Variants in CPNE8 observed in about 807,000 individuals in gnomAD.
CPNE8 encodes the protein copine 8, also known as copine-8.
In CPNE8, 45 loss-of-function variants were observed where a neutral mutation model predicts 81.5. That is an observed-to-expected ratio of 0.55 (90% CI 0.44 to 0.71). CPNE8 has a LOEUF of 0.71. CPNE8 is among the 30% of genes least tolerant of loss of function. The probability of loss-of-function intolerance (pLI) is 0.00; values close to 1 mark genes in which losing one functional copy is unlikely to be tolerated. For missense variants in CPNE8, 594 were observed against 672.1 expected (o/e 0.88, Z 1.28); for synonymous variants, 252 against 226.3 (o/e 1.11, Z -1.02).
intron 15 of CPNE8, among the ~76,000 whole-genome samples, chr12:38,691,975 A>G (rs1345201694): frequency 2.0e-5 from 3 of 152,092 alleles, no homozygotes; most frequent in African/African-American, 7.2e-5. Flanking sequence ...TATCTAACCT[A>G]TATGTGTTTT....
chr12:38,842,569 CTTTTTT>C (rs769891980), intron 4 of CPNE8, among the ~76,000 whole-genome samples: 1 of 110,832 alleles, frequency 9.0e-6, no homozygotes, highest in South Asian at 3.1e-4. Context: ...AACATTTTTC[CTTTTTT>C]TTTTTTTTTT....
intron 15 of CPNE8, among the ~76,000 whole-genome samples, chr12:38,687,613 C>A (rs560179691): frequency 7.2e-5 from 11 of 152,076 alleles, no homozygotes; most frequent in African/African-American, 2.4e-4. Context: ...AACTCCTGAC[C>A]TCAGGTGATC....
chr12:38,754,519 G>A (rs934905593), intron 10 of CPNE8, among the ~76,000 whole-genome samples: 1 of 151,794 alleles, frequency 6.6e-6, no homozygotes, highest in African/African-American at 2.4e-5. Flanking sequence ...AACACATAAT[G>A]AGTGCTCAAT....
chr12:38,879,853 A>C (rs890232606), intron 1 of CPNE8, among the ~76,000 whole-genome samples: 13 of 152,172 alleles, frequency 8.5e-5, no homozygotes, highest in African/African-American at 2.9e-4. Context: ...AATAAAAAAA[A>C]ACATACAAGA....
intron 19 of CPNE8, among the ~76,000 whole-genome samples, chr12:38,656,634 C>T (rs1938824440): frequency 6.6e-6 from 1 of 152,148 alleles, no homozygotes; most frequent in South Asian, 2.1e-4. Flanking sequence ...TTATTTTCTA[C>T]TCTTTGCCTC....
intron 10 of CPNE8, among the ~76,000 whole-genome samples, chr12:38,740,363 T>C (rs1448732703): frequency 6.6e-6 from 1 of 152,218 alleles, no homozygotes; most frequent in African/African-American, 2.4e-5. Context: ...TTTGACTTCC[T>C]CTTTTCCTAA....
At chr12:38,736,957 T>C (rs925028727) in intron 10 of CPNE8, among the ~76,000 whole-genome samples, 5 of 152,118 alleles carry the variant, frequency 3.3e-5, no homozygotes, top group Non-Finnish European at 5.9e-5. Flanking sequence ...TCACGGATTT[T>C]AAAATACTTA....
intron 3 of CPNE8, among the ~76,000 whole-genome samples, chr12:38,865,479 T>C (rs1592144690): frequency 6.6e-6 from 1 of 152,184 alleles, no homozygotes; most frequent in South Asian, 2.1e-4. Flanking sequence ...GCCGCAGGCA[T>C]GGATAGAGCT....
chr12:38,680,669 G>C (rs1367885152), intron 16 of CPNE8, among the ~76,000 whole-genome samples: 1 of 151,958 alleles, frequency 6.6e-6, no homozygotes, highest in East Asian at 1.9e-4. Flanking sequence ...TCACCTCTTA[G>C]AGTTGTTGTG....
intron 10 of CPNE8, among the ~76,000 whole-genome samples, chr12:38,737,482 G>C (rs1157936639): frequency 1.3e-5 from 2 of 152,022 alleles, no homozygotes; most frequent in Non-Finnish European, 2.9e-5. Flanking sequence ...TACTTTTATA[G>C]CCTACTCATT....
chr12:38,751,628 T>G (rs533526172), intron 10 of CPNE8, among the ~76,000 whole-genome samples: 1 of 152,314 alleles, frequency 6.6e-6, no homozygotes, highest in East Asian at 1.9e-4. Flanking sequence ...AACTAGTACT[T>G]TCAGATAACT....
At chr12:38,815,607 A>G (rs1199180109) in intron 6 of CPNE8, among the ~76,000 whole-genome samples, 1 of 152,200 alleles carries the variant, frequency 6.6e-6, no homozygotes, top group African/African-American at 2.4e-5. Flanking sequence ...CACACATGAA[A>G]CACACTATGC....
At chr12:38,876,799 A>AT (rs1208310735) in intron 1 of CPNE8, among the ~76,000 whole-genome samples, 1 of 152,198 alleles carries the variant, frequency 6.6e-6, no homozygotes, top group African/African-American at 2.4e-5. Context: ...ACTCAAGCAT[A>AT]TATGATCGCA....
intron 6 of CPNE8, among the ~76,000 whole-genome samples, chr12:38,803,798 A>T (rs868143749): frequency 0.09 from 8,082 of 90,038 alleles, 926 homozygotes; most frequent in African/African-American, 0.25. Context: ...GCTGATAAGC[A>T]ACTTCAGCAA....
chr12:38,721,365 A>C (rs549297275), intron 13 of CPNE8: 89 of 152,734 alleles, frequency 5.8e-4, no homozygotes, highest in African/African-American at 2.0e-3. Flanking sequence ...CCTATCTGGG[A>C]GATCTGGGAA....
intron 1 of CPNE8, among the ~76,000 whole-genome samples, chr12:38,883,234 G>GC (rs1481169875): frequency 6.6e-6 from 1 of 152,096 alleles, no homozygotes; most frequent in African/African-American, 2.4e-5. Context: ...CTTGGAGGCG[G>GC]CTTTGCAAAT....
intron 13 of CPNE8, among the ~76,000 whole-genome samples, chr12:38,714,756 T>C (rs755420712): frequency 3.3e-5 from 5 of 152,044 alleles, no homozygotes; most frequent in Non-Finnish European, 5.9e-5. Context: ...CATAAATCTG[T>C]CTACTGCAGC....
intron 10 of CPNE8, among the ~76,000 whole-genome samples, chr12:38,740,650 T>C (rs1172413866): frequency 6.6e-6 from 1 of 152,248 alleles, no homozygotes; most frequent in Non-Finnish European, 1.5e-5. Context: ...GAGATAATCA[T>C]GTGGTTTTTG....
At chr12:38,762,664 A>T (rs1197904597) in intron 8 of CPNE8, among the ~76,000 whole-genome samples, 1 of 152,218 alleles carries the variant, frequency 6.6e-6, no homozygotes, top group African/African-American at 2.4e-5. Flanking sequence ...TGTGAAGAAA[A>T]AGAAAAAAGT....
Sources: allele counts gnomAD v4.1 joint callset (sites outside exome capture counted in the v4.1 genomes callset), GRCh38; gene constraint gnomAD v4.1.1; transcripts MANE v1.5; gene names NCBI Gene and HGNC (gene_info 2026-07-23, HGNC 2026-07-21).